The following TAFA5 variants were observed in gnomAD, a reference collection of about 807,000 sequenced individuals.
TAFA5 encodes TAFA chemokine like family member 5.
A neutral mutation model predicts 15.3 loss-of-function variants in TAFA5; 6 were observed. That is an observed-to-expected ratio of 0.39 (90% CI 0.21 to 0.77). The LOEUF is 0.77. TAFA5 is among the 30% of genes least tolerant of loss of function. The pLI, the probability that TAFA5 is intolerant of heterozygous loss-of-function variation, is 0.41. For missense variants in TAFA5, 161 were observed against 193.1 expected (o/e 0.83, Z 0.98); for synonymous variants, 103 against 80.7 (o/e 1.28, Z -1.48).
chr22:48,697,687 GTGA>G (rs1385082015), intron 2 of TAFA5, among the ~76,000 whole-genome samples: 1 of 151,466 alleles, frequency 6.6e-6, no homozygotes, highest in Non-Finnish European at 1.5e-5. Flanking sequence ...TAATGTGATG[GTGA>G]TGATTACAAT....
chr22:48,492,278 T>C (rs1201854064), intron 1 of TAFA5, among the ~76,000 whole-genome samples: 1 of 152,252 alleles, frequency 6.6e-6, no homozygotes, highest in Non-Finnish European at 1.5e-5. Context: ...TAAGGATTTT[T>C]ATTACTCAAA....
At chr22:48,593,488 C>T (rs1219631228) in intron 1 of TAFA5, among the ~76,000 whole-genome samples, 2 of 151,186 alleles carry the variant, frequency 1.3e-5, no homozygotes, top group African/African-American at 2.4e-5. Flanking sequence ...GGGGGTGTCT[C>T]AGGGCACAGG....
chr22:48,636,172 A>G (rs1926438210), intron 1 of TAFA5, among the ~76,000 whole-genome samples: 2 of 152,230 alleles, frequency 1.3e-5, no homozygotes, highest in African/African-American at 4.8e-5. Context: ...TCAGCTGGCC[A>G]GGTCGCTTCA....
intron 1 of TAFA5, among the ~76,000 whole-genome samples, chr22:48,609,371 A>G (rs1348518900): frequency 6.6e-6 from 1 of 152,142 alleles, no homozygotes; most frequent in Non-Finnish European, 1.5e-5. Flanking sequence ...GACCTGTGGC[A>G]TCACTGTCCG....
At chr22:48,583,049 G>A (rs149211264) in intron 1 of TAFA5, among the ~76,000 whole-genome samples, 5,746 of 84,294 alleles carry the variant, frequency 0.068, 372 homozygotes, top group African/African-American at 0.22. Flanking sequence ...CACACACACC[G>A]CACACAAAGT....
intron 2 of TAFA5, among the ~76,000 whole-genome samples, chr22:48,696,131 A>G (rs915228037): frequency 9.2e-5 from 14 of 152,272 alleles, no homozygotes; most frequent in African/African-American, 3.1e-4. Flanking sequence ...GGCGGGTGCC[A>G]TGGGAGAAGT....
chr22:48,606,714 C>T (rs114490045), intron 1 of TAFA5, among the ~76,000 whole-genome samples: 259 of 152,290 alleles, frequency 1.7e-3, no homozygotes, highest in African/African-American at 6.0e-3. Context: ...GATTAGCGAT[C>T]GCTGCTTAGG....
chr22:48,594,297 T>C (rs148356216), intron 1 of TAFA5, among the ~76,000 whole-genome samples: 3 of 152,248 alleles, frequency 2.0e-5, no homozygotes, highest in African/African-American at 7.2e-5. Context: ...CCCACTCGGA[T>C]GGGCGAGGAG....
intron 2 of TAFA5, among the ~76,000 whole-genome samples, chr22:48,676,737 T>C (rs1927985675): frequency 6.6e-6 from 1 of 152,240 alleles, no homozygotes; most frequent in Non-Finnish European, 1.5e-5. Flanking sequence ...GCACTGCTCA[T>C]GGCTTGGACT....
At chr22:48,577,083 C>T (rs555433388) in intron 1 of TAFA5, among the ~76,000 whole-genome samples, 5 of 152,336 alleles carry the variant, frequency 3.3e-5, no homozygotes, top group African/African-American at 4.8e-5. Context: ...CTTCCAGAGA[C>T]CCATAGGTTT....
At chr22:48,647,275 C>T (rs570543980) in intron 2 of TAFA5, among the ~76,000 whole-genome samples, 3 of 152,256 alleles carry the variant, frequency 2.0e-5, no homozygotes, top group Non-Finnish European at 4.4e-5. Context: ...CTGGCAGTGA[C>T]CCCCGGCCCC....
chr22:48,723,242 A>G (rs130194), intron 3 of TAFA5, among the ~76,000 whole-genome samples: 62,271 of 152,050 alleles, frequency 0.41, 13,554 homozygotes, highest in Non-Finnish European at 0.48. Context: ...TCTGCATGCC[A>G]CAGTGGGAAT....
intron 1 of TAFA5, among the ~76,000 whole-genome samples, chr22:48,600,504 G>A (rs1374493470): frequency 6.6e-6 from 1 of 152,230 alleles, no homozygotes; most frequent in African/African-American, 2.4e-5. Context: ...GTGTGTATGT[G>A]TAGGCACAGA....
intron 1 of TAFA5, among the ~76,000 whole-genome samples, chr22:48,584,579 C>G (rs1475592856): frequency 1.4e-5 from 2 of 147,036 alleles, no homozygotes; most frequent in Non-Finnish European, 3.0e-5. Context: ...CCACACGACA[C>G]AAAATACACC....
In TAFA5 at chr22:48,527,017, TA is replaced by T. The variant is rs531885800; in HGVS notation, c.112+37315del. Among the ~76,000 whole-genome samples the T allele has an allele frequency of 6.0e-3, 907 of 152,362 alleles. 7 individuals are homozygous for T. Among genetic ancestry groups the T allele is most frequent in the Non-Finnish European group, 0.011 (715 of 68,030 alleles). On this transcript the variant is annotated intron_variant, in intron 1 of 3. Transcript: ENST00000402357. ...TTATATCTCATGATGAGGCCCACTA[TA>T]ACTTTAATTTTTCCATTTATTGAAA...
intron 2 of TAFA5, among the ~76,000 whole-genome samples, chr22:48,680,120 G>A (rs570788317): frequency 5.9e-5 from 9 of 152,326 alleles, no homozygotes; most frequent in Admixed American, 2.0e-4. Flanking sequence ...GGTGGCCATG[G>A]TCCCCCCACC....
rs376919595 is a variant in TAFA5, at chr22:48,548,132, G to A, written c.112+58428G>A. On this transcript the variant is annotated intron_variant, in intron 1 of 3. Transcript: ENST00000402357. ...GCCCAGCTTCAGGCGCAGGAGGCCC[G>A]GGGGTGCCTGATGGGGATCTGGCCC... Among the ~76,000 whole-genome samples, 54 of 152,314 alleles carry A rather than the reference G, an allele frequency of 3.5e-4. 1 individual carries two copies. Among genetic ancestry groups the A allele is most frequent in the South Asian group, 6.2e-4 (3 of 4,828 alleles).
intron 3 of TAFA5, among the ~76,000 whole-genome samples, chr22:48,735,251 C>T (rs768887228): frequency 6.6e-6 from 1 of 152,168 alleles, no homozygotes; most frequent in Non-Finnish European, 1.5e-5. Flanking sequence ...TCTAGCCACC[C>T]CGACTGACCT....
chr22:48,613,038 C>T (rs1925468554), intron 1 of TAFA5, among the ~76,000 whole-genome samples: 2 of 152,206 alleles, frequency 1.3e-5, no homozygotes, highest in South Asian at 4.1e-4. Flanking sequence ...GCTGCCTTTT[C>T]CTCACTGGCA....
Sources: gnomAD v4.1 joint callset for allele counts (sites outside exome capture counted in the v4.1 genomes callset) on GRCh38, gnomAD v4.1.1 for gene constraint, MANE v1.5 for transcripts, NCBI Gene and HGNC (gene_info 2026-07-23, HGNC 2026-07-21) for gene names.